The following RPH3A variants were observed in gnomAD, a reference collection of about 807,000 sequenced individuals.
RPH3A encodes the protein rabphilin 3A, also known as rabphilin-3A.
A neutral mutation model predicts 102.2 loss-of-function variants in RPH3A; 48 were observed. That is an observed-to-expected ratio of 0.47 (90% confidence interval 0.37 to 0.60). The LOEUF (loss-of-function observed/expected upper bound fraction) is 0.60, where lower values mean the gene tolerates loss of function less well. RPH3A is among the 20% of genes least tolerant of loss of function. The pLI is 0.00. For synonymous variants in RPH3A, 310 were observed against 324.3 expected (o/e 0.96, Z 0.47); for missense variants, 781 against 910.1 (o/e 0.86, Z 1.83).
chr12:112,852,559 A>G (rs891919058), intron 5 of RPH3A, among the ~76,000 whole-genome samples: 1 of 152,178 alleles, frequency 6.6e-6, no homozygotes, highest in Admixed American at 6.5e-5. Context: ...CCCAGTTTTT[A>G]TAGCTCTTCT....
intron 3 of RPH3A, among the ~76,000 whole-genome samples, chr12:112,835,733 G>C (rs188874447): frequency 1.3e-5 from 2 of 152,116 alleles, no homozygotes; most frequent in Admixed American, 6.5e-5. Flanking sequence ...AGCTAGATAC[G>C]CTTCCTGCTT....
chr12:112,738,911 T>TC (rs2040687983), intron 1 of RPH3A, among the ~76,000 whole-genome samples: 1 of 152,154 alleles, frequency 6.6e-6, no homozygotes, highest in African/African-American at 2.4e-5. Context: ...CTCTCTTTTT[T>TC]CCCCTAATGA....
intron 1 of RPH3A, among the ~76,000 whole-genome samples, chr12:112,668,352 G>T (rs948335961): frequency 1.3e-5 from 2 of 152,174 alleles, no homozygotes; most frequent in African/African-American, 4.8e-5. Context: ...TTTGGGAAAA[G>T]TCAGCAACCT....
intron 5 of RPH3A, among the ~76,000 whole-genome samples, chr12:112,864,925 T>G (rs528884540): frequency 4.1e-4 from 62 of 152,246 alleles, no homozygotes; most frequent in Non-Finnish European, 7.5e-4. Flanking sequence ...CCACGGGGTT[T>G]CTGGTTTGAG....
At chr12:112,811,312 C>T (rs77476302) in intron 2 of RPH3A, among the ~76,000 whole-genome samples, 10,738 of 152,100 alleles carry the variant, frequency 0.071, 429 homozygotes, top group Middle Eastern at 0.13. Context: ...CTGTTGATTC[C>T]ATTAACACTG....
chr12:112,780,508 C>T (rs1474744117), intron 1 of RPH3A, among the ~76,000 whole-genome samples: 4 of 152,098 alleles, frequency 2.6e-5, no homozygotes, highest in Non-Finnish European at 4.4e-5. Context: ...AGGGATAAGC[C>T]GATAAACGTA....
chr12:112,579,333 G>C (rs1391360867), intron 1 of RPH3A, among the ~76,000 whole-genome samples: 1 of 152,130 alleles, frequency 6.6e-6, no homozygotes, highest in African/African-American at 2.4e-5. Flanking sequence ...TTCACCCAAA[G>C]CACGGCTCAA....
At chr12:112,896,263 C>T (rs1433136217) in intron 21 of RPH3A, among the ~76,000 whole-genome samples, 1 of 152,046 alleles carries the variant, frequency 6.6e-6, no homozygotes, top group African/African-American at 2.4e-5. Context: ...GGTGGGGACT[C>T]CAGGCAAGGG....
intron 1 of RPH3A, among the ~76,000 whole-genome samples, chr12:112,734,570 G>C (rs1473771397): frequency 1.3e-5 from 2 of 152,212 alleles, no homozygotes; most frequent in East Asian, 3.9e-4. Context: ...TATTAAGAAA[G>C]TAAAGGAGTA....
At chr12:112,886,945 T>C (rs1271611882) in intron 16 of RPH3A, among the ~76,000 whole-genome samples, 1 of 152,136 alleles carries the variant, frequency 6.6e-6, no homozygotes, top group Non-Finnish European at 1.5e-5. Flanking sequence ...GAAATGTAAA[T>C]TAAAACTAGT....
intron 1 of RPH3A, among the ~76,000 whole-genome samples, chr12:112,580,433 T>C (rs1387394457): frequency 7.5e-6 from 1 of 132,556 alleles, no homozygotes; most frequent in Non-Finnish European, 1.6e-5. Flanking sequence ...AGATGGAGTC[T>C]CGCTCTGTCG....
chr12:112,801,839 G>A (rs796287646), intron 2 of RPH3A, among the ~76,000 whole-genome samples: 4 of 151,936 alleles, frequency 2.6e-5, no homozygotes, highest in South Asian at 2.1e-4. Flanking sequence ...CTGTTTATGC[G>A]TATTTCTATT....
At position 112,696,360 on chromosome 12, in the gene RPH3A, T is replaced by C. The variant is rs142001317; in HGVS notation, c.-139-95783T>C. 7.4e-4 allele frequency among the ~76,000 whole-genome samples: 112 copies of C among 152,336 alleles called. 1 individual carries two copies. The highest frequency in any genetic ancestry group is 2.4e-3 in the African/African-American group (101 of 41,574). Reference sequence around the variant, plus strand: ...TTTGGGTAGATACTCAGTAGTGAGATTGCTGGATAGAATGATAGATCTGCT... The same window carrying C: ...TTTGGGTAGATACTCAGTAGTGAGACTGCTGGATAGAATGATAGATCTGCT... On this transcript the variant is annotated intron_variant, in intron 1 of 21. Coordinates refer to the RPH3A transcript ENST00000543106.
intron 1 of RPH3A, among the ~76,000 whole-genome samples, chr12:112,730,329 G>A (rs1005296463): frequency 6.6e-6 from 1 of 152,256 alleles, no homozygotes; most frequent in Admixed American, 6.5e-5. Context: ...GCTGCAGGGA[G>A]TGCAGCCAAC....
At chr12:112,820,974 A>G (rs1266162236) in intron 2 of RPH3A, among the ~76,000 whole-genome samples, 2 of 152,316 alleles carry the variant, frequency 1.3e-5, no homozygotes, top group South Asian at 2.1e-4. Flanking sequence ...CCAGATTGGC[A>G]TGGAAGGAGC....
chr12:112,718,078 A>G (rs1289158575), intron 1 of RPH3A: 1 of 152,162 alleles, frequency 6.6e-6, no homozygotes, highest in Non-Finnish European at 1.5e-5. Context: ...CCCCTTTGCT[A>G]TCCACACAGG....
At chr12:112,633,611 T>C (rs975397454) in intron 1 of RPH3A, among the ~76,000 whole-genome samples, 2 of 152,218 alleles carry the variant, frequency 1.3e-5, no homozygotes, top group East Asian at 1.9e-4. Context: ...CCTCACCAGA[T>C]GCTGCCCCTC....
intron 1 of RPH3A, among the ~76,000 whole-genome samples, chr12:112,748,183 C>CATGT (rs1160340224): frequency 6.6e-6 from 1 of 152,226 alleles, no homozygotes; most frequent in Non-Finnish European, 1.5e-5. Flanking sequence ...GGGCAGAGAA[C>CATGT]ATGTCTGTGC....
chr12:112,617,241 T>C (rs2039687317), intron 1 of RPH3A, among the ~76,000 whole-genome samples: 1 of 152,104 alleles, frequency 6.6e-6, no homozygotes, highest in African/African-American at 2.4e-5. Flanking sequence ...AGATGGCGAG[T>C]GAGCATTCCT....
Sources: allele counts gnomAD v4.1 joint callset (sites outside exome capture counted in the v4.1 genomes callset), GRCh38; gene constraint gnomAD v4.1.1; transcripts MANE v1.5; gene names NCBI Gene and HGNC (gene_info 2026-07-23, HGNC 2026-07-21).